Variants in FUT8 observed in about 807,000 individuals in gnomAD.
The protein encoded by FUT8 is fucosyltransferase 8.
Under a neutral mutation model 71.3 loss-of-function variants are expected in FUT8, and 29 were observed. The ratio of observed to expected loss-of-function variants is 0.41; its 90% confidence interval spans 0.30 to 0.55. The LOEUF (loss-of-function observed/expected upper bound fraction) is 0.55. FUT8 is among the 20% of genes least tolerant of loss of function. The pLI, the probability that FUT8 is intolerant of heterozygous loss-of-function variation, is 0.34. For synonymous variants in FUT8, 254 were observed against 239.3 expected (o/e 1.06, Z -0.57); for missense variants, 544 against 702.1 (o/e 0.77, Z 2.55).
the FUT8 span, among the ~76,000 whole-genome samples, chr14:65,374,043 A>G: frequency 6.6e-6 from 1 of 152,198 alleles, no homozygotes; most frequent in Non-Finnish European, 1.5e-5. Context: ...CTTCGGAGGA[A>G]CCAGTTGCCC....
chr14:65,693,491 A>G (rs1022060434), intron 7 of FUT8, among the ~76,000 whole-genome samples: 2 of 152,230 alleles, frequency 1.3e-5, no homozygotes, highest in Non-Finnish European at 2.9e-5. Context: ...GCTCGGCATC[A>G]CAGGGAGACC....
intron 1 of FUT8, among the ~76,000 whole-genome samples, chr14:65,453,129 A>G (rs2065851426): frequency 6.9e-6 from 1 of 144,740 alleles, no homozygotes; most frequent in Non-Finnish European, 1.5e-5. Context: ...ACATTTTTAT[A>G]TTCCTATATT....
intron 2 of FUT8, among the ~76,000 whole-genome samples, chr14:65,525,169 T>G (rs909295199): frequency 6.6e-6 from 1 of 152,188 alleles, no homozygotes; most frequent in African/African-American, 2.4e-5. Flanking sequence ...TGTGGTAGAA[T>G]TCGGTTGTGA....
At chr14:65,686,891 C>G (rs976933728) in intron 7 of FUT8, among the ~76,000 whole-genome samples, 2 of 152,140 alleles carry the variant, frequency 1.3e-5, no homozygotes, top group Non-Finnish European at 2.9e-5. Flanking sequence ...TTCATTCAAA[C>G]AGAACAAGTT....
chr14:65,614,639 T>A (rs1271166420), intron 3 of FUT8, among the ~76,000 whole-genome samples: 1 of 152,214 alleles, frequency 6.6e-6, no homozygotes, highest in South Asian at 2.1e-4. Context: ...TCTTCCTTGC[T>A]CATGGTTGCT....
Position 65,421,194 on chromosome 14 carries a change from G to GA in FUT8, c.-326+8002dup, listed in dbSNP as rs61617981. Among the ~76,000 whole-genome samples the GA allele has an allele frequency of 6.9e-3, 656 of 94,812 alleles. 5 individuals are homozygous for GA. Among genetic ancestry groups the GA allele is most frequent in the East Asian group, 0.043 (137 of 3,178 alleles). The allele number at this position is 94,812 out of a possible 152,430, so 62.2% of individuals were successfully genotyped here. A position where few individuals can be genotyped will look rare whatever the true frequency, so the allele number is the denominator to read the frequency against. On this transcript the variant is annotated intron_variant, in intron 1 of 10. Transcript: ENST00000673929. The stretch of plus-strand genomic sequence containing the variant: ...GCGACAGAGCGGGACTCCATCTCAG[G>GA]AAAAAAAAAAAAAAAAAAAAAATCA...
At position 65,606,239 on chromosome 14, in the gene FUT8, A is replaced by AT. The variant is rs569441014; in HGVS notation, c.204-9728dup. On this transcript the variant is annotated intron_variant, in intron 3 of 10. Coordinates refer to ENST00000673929, the MANE Select transcript of FUT8 (RefSeq NM_001371533.1). The stretch of plus-strand genomic sequence containing the variant: ...AGGCGCCTGCCACCAACCCTGGCTA[A>AT]TTTTTTTTTTTGTATTTTTAGTAGA... 1.4e-3 allele frequency among the ~76,000 whole-genome samples: 209 copies of AT among 144,658 alleles called. 3 individuals carry two copies. The highest frequency in any genetic ancestry group is 2.9e-3 in the South Asian group (13 of 4,470). 94.9% of individuals were successfully genotyped at this position (144,658 alleles called of 152,430 possible).
At chr14:65,404,042 C>T in the FUT8 span, among the ~76,000 whole-genome samples, 4 of 151,664 alleles carry the variant, frequency 2.6e-5, no homozygotes, top group Non-Finnish European at 5.9e-5. Context: ...GGATTACAGG[C>T]GCTAGTAGAG....
At chr14:65,441,849 G>A (rs866397930) in intron 1 of FUT8, among the ~76,000 whole-genome samples, 2 of 149,002 alleles carry the variant, frequency 1.3e-5, no homozygotes, top group Non-Finnish European at 3.0e-5. Flanking sequence ...TGCACAACGC[G>A]CAGGTTTGTT....
intron 7 of FUT8, among the ~76,000 whole-genome samples, chr14:65,673,887 A>G (rs1892589979): frequency 6.6e-6 from 1 of 152,194 alleles, no homozygotes; most frequent in Non-Finnish European, 1.5e-5. Context: ...TGTTTATTCA[A>G]ATATCTCACT....
Position 65,561,350 on chromosome 14 carries a change from T to C in FUT8, c.-214T>C, listed in dbSNP as rs1255702124. On this transcript the variant is annotated 5_prime_UTR_variant, in exon 3 of 11. It removes an upstream start codon present in the reference 5' UTR. Coordinates refer to ENST00000673929, the MANE Select transcript of FUT8 (RefSeq NM_001371533.1). ...CTCTTTCCACAGCATGTAGAGCGCATGAAGTACAGGACAATAAAGCTTCCT... is the reference window on the plus strand; with the variant it reads ...CTCTTTCCACAGCATGTAGAGCGCACGAAGTACAGGACAATAAAGCTTCCT... 3.6e-6 allele frequency: 2 copies of C among 551,540 alleles called. No individual in the cohort carries two copies. Among genetic ancestry groups the C allele is most frequent in the African/African-American group, 3.8e-5 (2 of 53,096 alleles). 34.2% of individuals were successfully genotyped at this position (551,540 alleles called of 1,614,324 possible). A position where few individuals can be genotyped will look rare whatever the true frequency, so the allele number is the denominator to read the frequency against.
At chr14:65,661,868 T>C (rs1891983845) in intron 6 of FUT8, among the ~76,000 whole-genome samples, 1 of 152,230 alleles carries the variant, frequency 6.6e-6, no homozygotes, top group Non-Finnish European at 1.5e-5. Flanking sequence ...TAACAGTGAC[T>C]ATTTTTATAT....
the FUT8 span, among the ~76,000 whole-genome samples, chr14:65,387,818 C>T: frequency 6.6e-6 from 1 of 152,284 alleles, no homozygotes; most frequent in South Asian, 2.1e-4. Flanking sequence ...TATATTTTAT[C>T]TCATTTTCAG....
intron 7 of FUT8, among the ~76,000 whole-genome samples, chr14:65,713,120 A>C (rs1282791034): frequency 2.0e-5 from 3 of 152,078 alleles, no homozygotes; most frequent in African/African-American, 7.2e-5. Flanking sequence ...CAATTGTGTT[A>C]ATTTTTAGCT....
chr14:65,502,359 G>A (rs936806895), intron 2 of FUT8, among the ~76,000 whole-genome samples: 1 of 151,764 alleles, frequency 6.6e-6, no homozygotes, highest in South Asian at 2.1e-4. Flanking sequence ...CGAGTAGCTG[G>A]GATTATAGGC....
chr14:65,409,871 T>G (rs1219265364), upstream of FUT8, among the ~76,000 whole-genome samples: 1 of 152,194 alleles, frequency 6.6e-6, no homozygotes, highest in East Asian at 1.9e-4. The surrounding 1 kb of genome is among the most constrained non-coding windows in gnomAD (Gnocchi z 5.4). Context: ...TCTTTAACTT[T>G]TGGGATAAGC....
chr14:65,721,736 A>G (rs755923865), intron 7 of FUT8, 39 bp from the exon 8 acceptor site: 34 of 1,606,844 alleles, frequency 2.1e-5, no homozygotes, highest in Non-Finnish European at 2.6e-5. Flanking sequence ...TGTATAAGGA[A>G]TACCATGTGG....
intron 2 of FUT8, chr14:65,468,350 C>T (rs1241356346): frequency 1.1e-5 from 6 of 555,778 alleles, no homozygotes; most frequent in East Asian, 4.4e-5. Flanking sequence ...GTCCTTTTGG[C>T]GAATTACTGG....
chr14:65,399,569 G>T, the FUT8 span, among the ~76,000 whole-genome samples: 1 of 152,226 alleles, frequency 6.6e-6, no homozygotes, highest in East Asian at 1.9e-4. Context: ...TAGTTACATG[G>T]TAGGAGCTGG....
Sources: gnomAD v4.1 joint callset for allele counts (sites outside exome capture counted in the v4.1 genomes callset) on GRCh38, gnomAD v4.1.1 for gene constraint, Gnocchi (gnomAD v3.1) non-coding constraint, MANE v1.5 for transcripts, NCBI Gene and HGNC (gene_info 2026-07-23, HGNC 2026-07-21) for gene names.